The following PPP6R1 variants were observed in gnomAD, a reference collection of about 807,000 sequenced individuals.
The protein encoded by PPP6R1 is serine/threonine-protein phosphatase 6 regulatory subunit 1.
In PPP6R1, 39 loss-of-function variants were observed where a neutral mutation model predicts 104.6. The observed-to-expected ratio is 0.37, with a 90% CI of 0.29 to 0.49. PPP6R1 has a LOEUF of 0.49. Among genes scored for constraint, PPP6R1 ranks in the 20% least tolerant of loss-of-function variants. The pLI, the probability that PPP6R1 is intolerant of heterozygous loss-of-function variation, is 0.98. For missense variants in PPP6R1, 1,181 were observed against 1,155.8 expected, an observed-to-expected ratio of 1.02 and a Z score of -0.32; for synonymous variants, 549 against 479.0, an observed-to-expected ratio of 1.15 and a Z score of -1.91.
At chr19:55,247,267 G>A in intron 1 of PPP6R1, 158 bp from the exon 2 acceptor site, 1 of 698,298 alleles carries the variant, frequency 1.4e-6, no homozygotes, top group Non-Finnish European at 2.4e-6. Context: ...CCCCGGGACT[G>A]CCCGCAGGCT....
intron 1 of PPP6R1, among the ~76,000 whole-genome samples, chr19:55,254,156 T>C (rs2087574850): frequency 6.6e-6 from 1 of 152,198 alleles, no homozygotes; most frequent in Non-Finnish European, 1.5e-5. Flanking sequence ...CCTCAGACCA[T>C]TCGGATACTA....
In PPP6R1 at chr19:55,230,758, C is replaced by T. The variant is rs1568941948; in HGVS notation, c.2570+16G>A. ...GCCCCACCCCCACCCCCCCGCCCTGCTGCCCTGGTGCTCACCTCTGGCTTT... is the reference window on the plus strand; with the variant it reads ...GCCCCACCCCCACCCCCCCGCCCTGTTGCCCTGGTGCTCACCTCTGGCTTT... On this transcript the variant is annotated intron_variant, in intron 22 of 23. Coordinates refer to ENST00000412770, the MANE Select transcript of PPP6R1 (RefSeq NM_014931.4). 1 of 1,416,178 alleles carries T rather than the reference C, an allele frequency of 7.1e-7. No homozygotes were observed. Among genetic ancestry groups the T allele is most frequent in the South Asian group, 1.3e-5 (1 of 75,850 alleles). The allele number at this position is 1,416,178 out of a possible 1,614,324, so 87.7% of individuals were successfully genotyped here.
intron 1 of PPP6R1, among the ~76,000 whole-genome samples, chr19:55,257,476 C>CG: frequency 6.6e-6 from 1 of 152,336 alleles, no homozygotes; most frequent in African/African-American, 2.4e-5. Flanking sequence ...TGGATAAGCA[C>CG]GCCGGGCGGA....
chr19:55,236,086 C>T (rs1260366826), intron 17 of PPP6R1, among the ~76,000 whole-genome samples: 3 of 148,198 alleles, frequency 2.0e-5, no homozygotes, highest in African/African-American at 7.5e-5. Flanking sequence ...CCACCTTGGC[C>T]TCCTCCCGAA....
chr19:55,246,954 C>T lies in PPP6R1; in HGVS notation c.150G>A (p.Gln50=), dbSNP rs1002942258. The T allele has an allele frequency of 1.9e-6, 3 of 1,613,828 alleles. No individual in the cohort carries two copies. Among genetic ancestry groups the T allele is most frequent in the Non-Finnish European group, 2.5e-6 (3 of 1,179,844 alleles). The part of the protein sequence containing the change: ...VNRKLLDFLL[Q]PPHLQAMVAW... Reference sequence around the variant, plus strand: ...CCACCATTGCTTGCAGGTGGGGTGGCTGCAGCAGGAAGTCCAGCAGCTTGC... The same window carrying T: ...CCACCATTGCTTGCAGGTGGGGTGGTTGCAGCAGGAAGTCCAGCAGCTTGC... The change falls in exon 2 of 24, where the codon CAG becomes CAA. Residue 50 remains glutamine (Q), a synonymous_variant. Transcript: ENST00000412770.
At chr19:55,247,342 G>A in intron 1 of PPP6R1, 1 of 557,474 alleles carries the variant, frequency 1.8e-6, no homozygotes, top group Non-Finnish European at 3.2e-6. Context: ...TTGCCCTCGA[G>A]CCTGCCCCTC....
chr19:55,236,955 C>T lies in PPP6R1; in HGVS notation c.1767G>A (p.Lys589=). Residue 589 remains lysine, a synonymous_variant, in exon 16 of 24, where the codon AAG becomes AAA. Coordinates refer to ENST00000412770, the MANE Select transcript of PPP6R1 (RefSeq NM_014931.4). ...QEESVNAPFD[K]TANITFSLNA... is the part of the protein sequence containing the mutation. ...TGAGGGAGAAGGTGATGTTGGCTGT[C>T]TTGTCAAAAGGTGCGCTAGGAGAGA... The T allele has an allele frequency of 6.2e-7, 1 of 1,612,862 alleles. No individual in the cohort carries two copies. Among genetic ancestry groups the T allele is most frequent in the South Asian group, 1.1e-5 (1 of 91,044 alleles).
intron 15 of PPP6R1, among the ~76,000 whole-genome samples, chr19:55,237,743 A>G (rs1258598541): frequency 6.6e-6 from 1 of 152,220 alleles, no homozygotes; most frequent in Non-Finnish European, 1.5e-5. Context: ...GCAGCGGAGC[A>G]GAGACCACGC....
chr19:55,242,689 C>T, intron 5 of PPP6R1: 2 of 573,718 alleles, frequency 3.5e-6, no homozygotes, highest in Non-Finnish European at 6.3e-6. Flanking sequence ...GCCCGGAAGG[C>T]TCCCCAGGAC....
intron 21 of PPP6R1, 114 bp from the exon 22 acceptor site, chr19:55,230,998 C>T (rs2087339507): frequency 1.1e-6 from 1 of 907,202 alleles, no homozygotes; most frequent in South Asian, 1.5e-5. Flanking sequence ...GCCACCTGCC[C>T]CACGGGGAGG....
chr19:55,247,259 C>G (rs1261225234), intron 1 of PPP6R1, 150 bp from the exon 2 acceptor site: 1 of 778,906 alleles, frequency 1.3e-6, no homozygotes, highest in East Asian at 2.7e-5. Context: ...CGGCCCCGCC[C>G]CGGGACTGCC....
Position 55,239,455 on chromosome 19 carries a change from G to A in PPP6R1, c.1701C>T (p.Asp567=). The A allele has an allele frequency of 6.2e-7, 1 of 1,614,014 alleles. No individual in the cohort carries two copies. The highest frequency in any genetic ancestry group is 8.5e-7 in the Non-Finnish European group (1 of 1,179,898). ...QMQRMTSAFI[D]HFGFNDEEFG... is the part of the protein sequence containing the mutation. ...ACTCCTCATCATTGAAGCCGAAGTGGTCAATGAAGGCAGAGGTCATGCGCT... is the reference window on the plus strand; with the variant it reads ...ACTCCTCATCATTGAAGCCGAAGTGATCAATGAAGGCAGAGGTCATGCGCT... Residue 567 remains aspartate (D), a synonymous_variant, in exon 15 of 24, where the codon GAC becomes GAT. Transcript: ENST00000412770.
Position 55,242,414 on chromosome 19 carries a change from G to A in PPP6R1, c.693C>T (p.Asp231=). The A allele has an allele frequency of 2.5e-6, 4 of 1,613,984 alleles. No individual in the cohort carries two copies. The highest frequency in any genetic ancestry group is 3.4e-6 in the Non-Finnish European group (4 of 1,179,854). Residue 231 remains aspartate, a synonymous_variant, in exon 6 of 24, where the codon GAC becomes GAT. Coordinates refer to ENST00000412770, the MANE Select transcript of PPP6R1 (RefSeq NM_014931.4). ...CCAGCAGTTGGTCAGGCTCTGGGCT[G>A]TCCTGGACTTGGATCATCTGCTCCC... ...LSREQMIQVQ[D]SPEPDQLLAT...
chr19:55,245,160 T>A lies in PPP6R1; in HGVS notation c.578A>T (p.Gln193Leu). The change falls in exon 5 of 24, where the codon CAG becomes CTG. Residue 193 changes from glutamine (Q) to leucine (L), a missense_variant. By Grantham distance (113) the Gln-to-Leu change is moderately radical (BLOSUM62 -2). Transcript: ENST00000412770. The surrounding 1 kb of genome is among the most constrained non-coding windows in gnomAD (Gnocchi z 6.4). ...CGGGTGGATCTGCTCAATCAGCCGC[T>A]GGACGATCTTCTCCTCGTTGAGCCA... ...VNWLNEEKIV[Q>L]RLIEQIHPSK... The A allele has an allele frequency of 6.2e-7, 1 of 1,613,510 alleles. No homozygotes were observed. The highest frequency in any genetic ancestry group is 8.5e-7 in the Non-Finnish European group (1 of 1,179,768).
chr19:55,242,120 C>T (rs1175309839), intron 7 of PPP6R1, 46 bp downstream of exon 7: 1 of 1,567,162 alleles, frequency 6.4e-7, no homozygotes, highest in South Asian at 1.1e-5. Context: ...GCCGGAGAGC[C>T]CCTGGGGATG....
At chr19:55,240,371 AG>A in intron 10 of PPP6R1, 71 bp from the exon 11 acceptor site, 1 of 1,449,736 alleles carries the variant, frequency 6.9e-7, no homozygotes, top group Non-Finnish European at 9.4e-7. Context: ...GCACTGCAGC[AG>A]GGGTCCCTTC....
At chr19:55,258,323 C>G (rs1468028357) in intron 1 of PPP6R1, 112 bp downstream of exon 1, 3 of 152,578 alleles carry the variant, frequency 2.0e-5, no homozygotes, top group African/African-American at 7.2e-5. Flanking sequence ...GGATCCGAAG[C>G]AGAAAAGACC....
chr19:55,251,922 G>C, intron 1 of PPP6R1, among the ~76,000 whole-genome samples: 1 of 152,052 alleles, frequency 6.6e-6, no homozygotes, highest in East Asian at 1.9e-4. Flanking sequence ...GCAAAGCACC[G>C]AGACGTGGCA....
chr19:55,239,466 C>T lies in PPP6R1; in HGVS notation c.1690G>A (p.Ala564Thr), dbSNP rs376572698. The change falls in exon 15 of 24, where the codon GCC becomes ACC. Residue 564 changes from alanine to threonine, a missense_variant. Coordinates refer to ENST00000412770, the MANE Select transcript of PPP6R1 (RefSeq NM_014931.4). Reference protein sequence around the residue: ...MDFQMQRMTSAFIDHFGFNDE... With the variant: ...MDFQMQRMTSTFIDHFGFNDE... ...TTGAAGCCGAAGTGGTCAATGAAGG[C>T]AGAGGTCATGCGCTGCATCTGGAAG... 5.6e-6 allele frequency: 9 copies of T among 1,613,910 alleles called. No homozygotes were observed. In the African/African-American group the frequency reaches 6.7e-5, roughly 12 times the overall value.
Sources: allele counts gnomAD v4.1 joint callset (sites outside exome capture counted in the v4.1 genomes callset), GRCh38; gene constraint gnomAD v4.1.1; non-coding constraint Gnocchi (gnomAD v3.1); transcripts MANE v1.5; gene names NCBI Gene and HGNC (gene_info 2026-07-23, HGNC 2026-07-21).